KHDRBS2: variants seen among roughly 807,000 people sequenced by gnomAD.
The protein encoded by KHDRBS2 is KH RNA binding domain containing, signal transduction associated 2, also known as KH domain-containing, RNA-binding, signal transduction-associated protein 2.
In KHDRBS2, 26 loss-of-function variants were observed where a neutral mutation model predicts 44.3. The ratio of observed to expected loss-of-function variants is 0.59; its 90% CI spans 0.43 to 0.81. The LOEUF is 0.81. KHDRBS2 is among the 40% of genes least tolerant of loss of function. The probability of loss-of-function intolerance (pLI) is 0.00; values close to 1 mark genes in which losing one functional copy is unlikely to be tolerated. For missense variants in KHDRBS2, 476 were observed against 433.1 expected (o/e 1.10, Z -0.88); for synonymous variants, 194 against 151.1 (o/e 1.28, Z -2.08).
the KHDRBS2 span, among the ~76,000 whole-genome samples, chr6:61,653,613 CAGAGAGAGAG>C: frequency 6.7e-6 from 1 of 148,842 alleles, no homozygotes; most frequent in African/African-American, 2.5e-5. Flanking sequence ...AACTGAGAGA[CAGAGAGAGAG>C]AGAGAGAGAG....
the KHDRBS2 span, among the ~76,000 whole-genome samples, chr6:61,577,927 T>G: frequency 6.6e-6 from 1 of 152,128 alleles, no homozygotes; most frequent in Admixed American, 6.6e-5. Flanking sequence ...AAGTTAAACT[T>G]GACAGCAAAA....
chr6:61,863,616 C>G (rs1304615106), intron 6 of KHDRBS2, among the ~76,000 whole-genome samples: 1 of 152,076 alleles, frequency 6.6e-6, no homozygotes, highest in Non-Finnish European at 1.5e-5. Flanking sequence ...TAATCTTGAG[C>G]TATAATTTGA....
At chr6:61,975,680 CAG>C (rs1554301039) in intron 4 of KHDRBS2, among the ~76,000 whole-genome samples, 1 of 149,744 alleles carries the variant, frequency 6.7e-6, no homozygotes, top group Non-Finnish European at 1.5e-5. Context: ...CACACACACA[CAG>C]AGAGATATAA....
At chr6:62,123,938 G>A (rs146451085) in intron 2 of KHDRBS2, among the ~76,000 whole-genome samples, 2,418 of 152,220 alleles carry the variant, frequency 0.016, 21 homozygotes, top group Non-Finnish European at 0.025. Flanking sequence ...TTTGAAAGTT[G>A]GTAACATGCA....
chr6:61,831,065 TA>T (rs1299082842), intron 6 of KHDRBS2, among the ~76,000 whole-genome samples: 2 of 152,144 alleles, frequency 1.3e-5, no homozygotes, highest in Non-Finnish European at 2.9e-5. Context: ...TTAACATACT[TA>T]AAAATGCACT....
intron 2 of KHDRBS2, among the ~76,000 whole-genome samples, chr6:62,106,381 T>C (rs868484231): frequency 8.5e-5 from 13 of 152,170 alleles, no homozygotes; most frequent in South Asian, 2.1e-4. Flanking sequence ...TAGTGGGGTG[T>C]TAAAGTCTCC....
At chr6:61,903,308 G>A (rs1366834410) in intron 4 of KHDRBS2, among the ~76,000 whole-genome samples, 2 of 151,984 alleles carry the variant, frequency 1.3e-5, no homozygotes, top group Admixed American at 6.5e-5. Context: ...ATGGATACTC[G>A]GGGTGCTTAT....
chr6:62,050,361 C>T (rs1242509300), intron 2 of KHDRBS2, among the ~76,000 whole-genome samples: 4 of 151,356 alleles, frequency 2.6e-5, no homozygotes, highest in Non-Finnish European at 4.4e-5. Flanking sequence ...TGCAGCAAAC[C>T]ACCATGGCAT....
chr6:61,592,807 AGCATGG>A, the KHDRBS2 span, among the ~76,000 whole-genome samples: 1 of 152,208 alleles, frequency 6.6e-6, no homozygotes, highest in Admixed American at 6.5e-5. Flanking sequence ...GAAAAACAAA[AGCATGG>A]ATTAGGACCA....
chr6:62,016,957 C>A (rs1440680435), intron 3 of KHDRBS2, among the ~76,000 whole-genome samples: 1 of 152,034 alleles, frequency 6.6e-6, no homozygotes, highest in East Asian at 1.9e-4. Flanking sequence ...AAATATTCAG[C>A]AAATCAAAAC....
At chr6:61,824,351 G>T (rs776761679) in intron 6 of KHDRBS2, among the ~76,000 whole-genome samples, 1 of 152,022 alleles carries the variant, frequency 6.6e-6, no homozygotes, top group Admixed American at 6.6e-5. Flanking sequence ...GTTTGAAAGC[G>T]TGTAGCACTC....
At chr6:62,215,659 T>C (rs889234119) in intron 1 of KHDRBS2, among the ~76,000 whole-genome samples, 12 of 151,876 alleles carry the variant, frequency 7.9e-5, no homozygotes, top group African/African-American at 2.9e-4. Context: ...TATCTTCCCA[T>C]AATCTTCTCA....
chr6:62,031,845 T>C (rs993638768), intron 3 of KHDRBS2, among the ~76,000 whole-genome samples: 11 of 151,936 alleles, frequency 7.2e-5, no homozygotes, highest in African/African-American at 2.7e-4. Flanking sequence ...CTGGTGAGCT[T>C]TGCCACCTGC....
chr6:61,829,861 G>T (rs1479570998), intron 6 of KHDRBS2, among the ~76,000 whole-genome samples: 10 of 152,082 alleles, frequency 6.6e-5, no homozygotes, highest in African/African-American at 2.4e-4. Flanking sequence ...GAGAACAAAA[G>T]GTGTCATGGC....
At chr6:61,946,451 T>C (rs1348410606) in intron 4 of KHDRBS2, among the ~76,000 whole-genome samples, 2 of 152,180 alleles carry the variant, frequency 1.3e-5, no homozygotes, top group East Asian at 3.8e-4. Context: ...ACAATTGTTT[T>C]TAAATAGTGC....
chr6:61,688,874 G>T (rs188067267), intron 8 of KHDRBS2, among the ~76,000 whole-genome samples: 4 of 151,928 alleles, frequency 2.6e-5, no homozygotes, highest in Admixed American at 2.0e-4. Flanking sequence ...AGTGATTGGA[G>T]TGTCTTTGTT....
the KHDRBS2 span, among the ~76,000 whole-genome samples, chr6:61,561,058 C>T: frequency 2.0e-5 from 3 of 152,136 alleles, no homozygotes; most frequent in Admixed American, 1.3e-4. Flanking sequence ...AAACCCAGTA[C>T]CGACGTGTCT....
chr6:62,040,674 G>T (rs1266391717), intron 3 of KHDRBS2, among the ~76,000 whole-genome samples: 1 of 152,062 alleles, frequency 6.6e-6, no homozygotes, highest in African/African-American at 2.4e-5. Flanking sequence ...ATGGCCTTTC[G>T]ATGTAATTTT....
chr6:61,970,900 C>A (rs1771247649), intron 4 of KHDRBS2, among the ~76,000 whole-genome samples: 1 of 152,022 alleles, frequency 6.6e-6, no homozygotes, highest in African/African-American at 2.4e-5. Flanking sequence ...TTGTTCTAAG[C>A]CTGTGGGAGG....
Sources: allele counts gnomAD v4.1 joint callset (sites outside exome capture counted in the v4.1 genomes callset), GRCh38; gene constraint gnomAD v4.1.1; transcripts MANE v1.5; gene names NCBI Gene and HGNC (gene_info 2026-07-23, HGNC 2026-07-21).